Variants in CRYM observed in about 807,000 individuals in gnomAD.
CRYM encodes the protein ketimine reductase mu-crystallin.
A neutral mutation model predicts 32.9 loss-of-function variants in CRYM; 18 were observed. The ratio of observed to expected loss-of-function variants is 0.55; its 90% CI spans 0.38 to 0.81. The LOEUF is 0.81. CRYM is among the 30% of genes least tolerant of loss of function. The pLI, the probability that CRYM is intolerant of heterozygous loss-of-function variation, is 0.00. For synonymous variants in CRYM, 153 were observed against 152.4 expected, an observed-to-expected ratio of 1.00 and a Z score of -0.03; for missense variants, 337 against 393.5, an observed-to-expected ratio of 0.86 and a Z score of 1.21.
At chr16:21,283,212 G>A (rs2093401250), upstream of CRYM, among the ~76,000 whole-genome samples, 1 of 152,162 alleles carries the variant, frequency 6.6e-6, no homozygotes, top group Non-Finnish European at 1.5e-5. Context: ...GCAGGGTAGA[G>A]CTGTACCATA....
At chr16:21,301,011 C>T (rs1039562837) in intron 1 of CRYM, 2 of 282 alleles carry the variant, frequency 7.1e-3, no homozygotes, top group African/African-American at 0.033. Flanking sequence ...CGGACAGAAG[C>T]CGCAGGGCTG....
chr16:21,275,690 A>G, intron 2 of CRYM, 96 bp from the exon 3 acceptor site: 8 of 986,860 alleles, frequency 8.1e-6, no homozygotes, highest in South Asian at 1.3e-5. Context: ...GAAGTTTTAT[A>G]GCATCCTACA....
rs187253061 is a variant in CRYM, at chr16:21,297,059, A to G, written c.-193+5919T>C. On this transcript the variant is annotated intron_variant, in intron 1 of 9. Coordinates refer to the CRYM transcript ENST00000219599. Reference sequence around the variant, plus strand: ...AGATATTCAATGAAAGAAAAACACAAGCAAGGTTTTTACCTCCAGTCGAAG... The same window carrying G: ...AGATATTCAATGAAAGAAAAACACAGGCAAGGTTTTTACCTCCAGTCGAAG... 2.6e-5 allele frequency among the ~76,000 whole-genome samples: 4 copies of G among 151,800 alleles called. No individual in the cohort carries two copies. The East Asian group carries it at 7.9e-4, about 30-fold the overall frequency.
At position 21,258,696 on chromosome 16, in the gene CRYM, C is replaced by G; in HGVS notation, c.*85G>C. On this transcript the variant is annotated 3_prime_UTR_variant, in exon 8 of 8. Transcript: ENST00000572914. ...GCACAAAAGGAGAGTTCACTGGGGACTGGACTCCCTCATTTACTCTAGAAA... is the reference window on the plus strand; with the variant it reads ...GCACAAAAGGAGAGTTCACTGGGGAGTGGACTCCCTCATTTACTCTAGAAA... 1 of 1,128,030 alleles carries G rather than the reference C, an allele frequency of 8.9e-7. No individual in the cohort carries two copies. The highest frequency in any genetic ancestry group is 1.4e-6 in the Non-Finnish European group (1 of 739,766). The allele number at this position is 1,128,030 out of a possible 1,614,324, so 69.9% of individuals were successfully genotyped here. A position where few individuals can be genotyped will look rare whatever the true frequency, so the allele number is the denominator to read the frequency against.
intron 1 of CRYM, chr16:21,300,326 A>T: frequency 6.6e-6 from 1 of 151,908 alleles, no homozygotes; most frequent in East Asian, 1.9e-4. Flanking sequence ...TGAAGGGGAG[A>T]TTGCAATGGT....
intron 1 of CRYM, among the ~76,000 whole-genome samples, chr16:21,284,346 C>A (rs945266401): frequency 2.0e-5 from 3 of 151,738 alleles, no homozygotes; most frequent in African/African-American, 7.3e-5. Context: ...TAAATTTCAC[C>A]TTTTTTACCC....
Position 21,269,845 on chromosome 16 carries a change from C to T in CRYM, c.434G>A (p.Gly145Glu). 1 of 1,612,994 alleles carries T rather than the reference C, an allele frequency of 6.2e-7. No homozygotes were observed. The highest frequency in any genetic ancestry group is 8.5e-7 in the Non-Finnish European group (1 of 1,179,706). The part of the protein sequence containing the change: ...SSEVLCILGA[G>E]VQAYSHYEIF... ...CTCATAATGGCTGTAGGCCTGGACC[C>T]CAGCCCCAAGGATGCACAGCACTTC... is the stretch of plus-strand genomic sequence containing the variant. The change falls in exon 4 of 8, where the codon GGG becomes GAG. Residue 145 changes from glycine to glutamate, a missense_variant. Coordinates refer to ENST00000572914, the MANE Select transcript of CRYM (RefSeq NM_001376256.1).
Position 21,267,704 on chromosome 16 carries a change from C to T in CRYM, c.523G>A (p.Glu175Lys). 6.2e-7 allele frequency: 1 copy of T among 1,614,256 alleles called. No homozygotes were observed. The highest frequency in any genetic ancestry group is 8.5e-7 in the Non-Finnish European group (1 of 1,180,048). ...RIWNRTKENA[E>K]KFADTVQGEV... is the part of the protein sequence containing the mutation. ...CCTTGCACTGTGTCTGCAAACTTCT[C>T]TGCATTTTCTTTGGTGCGGTTCCAT... The change falls in exon 5 of 8, where the codon GAG (glutamate) becomes AAG (lysine). Residue 175 changes from glutamate (E) to lysine (K), a missense_variant. Coordinates refer to ENST00000572914, the MANE Select transcript of CRYM (RefSeq NM_001376256.1).
rs2152863267 is a variant in CRYM, at chr16:21,277,486, G to A, written c.269C>T (p.Pro90Leu). Residue 90 changes from proline to leucine, a missense_variant, in exon 2 of 8, where the codon CCT becomes CTT. By Grantham distance (98) the Pro-to-Leu change is moderately conservative. Coordinates refer to ENST00000572914, the MANE Select transcript of CRYM (RefSeq NM_001376256.1). The surrounding 1 kb of genome is among the most constrained non-coding windows in gnomAD (Gnocchi z 4.2). ...YEDRGITSVV[P>L]SHQATVLLFE... ...GAGTAGCACAGTAGCCTGGTGGGAA[G>A]GGACGACCGAGGTGATGCCGCGGTC... 6.2e-7 allele frequency: 1 copy of A among 1,613,822 alleles called. No homozygotes were observed. Among genetic ancestry groups the A allele is most frequent in the Middle Eastern group, 1.7e-4 (1 of 6,058 alleles).
chr16:21,267,771 C>G (rs760741698), intron 4 of CRYM, 34 bp from the exon 5 acceptor site: 3 of 1,612,382 alleles, frequency 1.9e-6, no homozygotes, highest in Non-Finnish European at 2.5e-6. Context: ...ATATTGGCGC[C>G]ATTTTTTGGC....
chr16:21,268,972 C>G (rs926088180), intron 4 of CRYM, among the ~76,000 whole-genome samples: 4 of 151,818 alleles, frequency 2.6e-5, no homozygotes, highest in African/African-American at 9.7e-5. Context: ...GGTGAAACCC[C>G]ATCTCTACTA....
chr16:21,287,662 T>C (rs943342439), intron 1 of CRYM, among the ~76,000 whole-genome samples: 1 of 152,194 alleles, frequency 6.6e-6, no homozygotes, highest in Non-Finnish European at 1.5e-5. Context: ...CATAATGAAG[T>C]CTTGATACAA....
At position 21,284,383 on chromosome 16, in the gene CRYM, T is replaced by C. The variant is rs1216634417; in HGVS notation, c.-192-5423A>G. The stretch of plus-strand genomic sequence containing the variant: ...TCAAAGTGCACAGTTCCCTGACTTT[T>C]AGTATATTCACGATGTTGTGCGACC... On this transcript the variant is annotated intron_variant, in intron 1 of 9. Coordinates refer to the CRYM transcript ENST00000219599. Among the ~76,000 whole-genome samples, 4 of 152,178 alleles carry C rather than the reference T, an allele frequency of 2.6e-5. No individual in the cohort carries two copies. In the East Asian group the frequency reaches 7.7e-4, roughly 29 times the overall value.
chr16:21,281,186 A>G (rs1416771835), upstream of CRYM, among the ~76,000 whole-genome samples: 1 of 151,240 alleles, frequency 6.6e-6, no homozygotes, highest in Non-Finnish European at 1.5e-5. Context: ...ATACGTATCT[A>G]TGTATCTATA....
chr16:21,294,542 C>T (rs1024743839), intron 1 of CRYM, among the ~76,000 whole-genome samples: 1 of 152,004 alleles, frequency 6.6e-6, no homozygotes, highest in Non-Finnish European at 1.5e-5. Context: ...CTGATGTTCC[C>T]CTCCCTGTGC....
chr16:21,284,979 G>A (rs2093405050), intron 1 of CRYM, among the ~76,000 whole-genome samples: 1 of 152,166 alleles, frequency 6.6e-6, no homozygotes, highest in Non-Finnish European at 1.5e-5. Flanking sequence ...ACTGATGTGA[G>A]ATGATATTCC....
intron 1 of CRYM, among the ~76,000 whole-genome samples, chr16:21,295,434 CT>C (rs947402259): frequency 3.4e-4 from 52 of 152,016 alleles, no homozygotes; most frequent in African/African-American, 1.1e-3. Context: ...TGATGTTGAG[CT>C]TTTTTTTATG....
At chr16:21,262,745 G>T (rs183453106) in intron 5 of CRYM, among the ~76,000 whole-genome samples, 1 of 152,164 alleles carries the variant, frequency 6.6e-6, no homozygotes, top group Non-Finnish European at 1.5e-5. Flanking sequence ...CTCTCTGTGG[G>T]ATGTTTTGCA....
intron 5 of CRYM, among the ~76,000 whole-genome samples, chr16:21,265,621 TG>T (rs1413421670): frequency 6.6e-6 from 1 of 152,202 alleles, no homozygotes; most frequent in Non-Finnish European, 1.5e-5. Flanking sequence ...GTGGCATCCC[TG>T]GCATCTAGAA....
Sources: gnomAD v4.1 joint callset for allele counts (sites outside exome capture counted in the v4.1 genomes callset) on GRCh38, gnomAD v4.1.1 for gene constraint, Gnocchi (gnomAD v3.1) non-coding constraint, MANE v1.5 for transcripts, NCBI Gene and HGNC (gene_info 2026-07-23, HGNC 2026-07-21) for gene names.